MESP1: variants seen among roughly 807,000 people sequenced by gnomAD.
The protein encoded by MESP1 is mesoderm posterior protein 1.
A neutral mutation model predicts 15.2 loss-of-function variants in MESP1; 22 were observed. That is an observed-to-expected ratio of 1.45 (90% CI 1.04 to 2.07). MESP1 has a LOEUF of 2.07. MESP1 is among the 30% of genes most tolerant of loss of function. The pLI is 0.00. For synonymous variants in MESP1, 216 were observed against 192.6 expected (o/e 1.12, Z -1.01); for missense variants, 484 against 411.9 (o/e 1.17, Z -1.51).
At chr15:89,748,585 G>A (rs1160724451), downstream of MESP1, 6 of 152,360 alleles carry the variant, frequency 3.9e-5, no homozygotes, top group South Asian at 8.3e-4. Flanking sequence ...AAAAAGAAAC[G>A]AAGTTCTGAC....
At chr15:89,747,976 C>A (rs1968004182), downstream of MESP1, among the ~76,000 whole-genome samples, 1 of 152,156 alleles carries the variant, frequency 6.6e-6, no homozygotes, top group Non-Finnish European at 1.5e-5. Flanking sequence ...ATGTCCCCTG[C>A]CTATCTCCAG....
chr15:89,743,401 C>A, the MESP1 span: 3 of 1,613,752 alleles, frequency 1.9e-6, no homozygotes, highest in African/African-American at 4.0e-5. Context: ...AGGCTGCCAC[C>A]GCCCTGGGAT....
the MESP1 span, among the ~76,000 whole-genome samples, chr15:89,741,320 T>A: frequency 2.0e-5 from 3 of 152,080 alleles, no homozygotes; most frequent in African/African-American, 7.2e-5. Flanking sequence ...AGCCTTGACT[T>A]CCCGGGCTCA....
At chr15:89,743,355 C>T in the MESP1 span, 1 of 1,614,174 alleles carries the variant, frequency 6.2e-7, no homozygotes, top group South Asian at 1.1e-5. Flanking sequence ...TTCAGAGGTA[C>T]TCCTTGTCGC....
Position 89,751,095 on chromosome 15 carries a change from G to T in MESP1, c.137C>A (p.Thr46Asn). The change falls in exon 1 of 2, where the codon ACC (threonine) becomes AAC (asparagine). Residue 46 changes from threonine (T) to asparagine (N), a missense_variant. Transcript: ENST00000300057. ...LVSSPDSWGS[T>N]PADSPVASPA... ...GCTCGCCACGGGGCTGTCGGCTGGGGTGCTGCCCCATGAGTCTGGGGACGA... is the reference window on the plus strand; with the variant it reads ...GCTCGCCACGGGGCTGTCGGCTGGGTTGCTGCCCCATGAGTCTGGGGACGA... The T allele has an allele frequency of 3.3e-6, 4 of 1,213,440 alleles. No individual in the cohort carries two copies. The highest frequency in any genetic ancestry group is 4.2e-6 in the Non-Finnish European group (4 of 956,980). The allele number at this position is 1,213,440 out of a possible 1,614,324, so 75.2% of individuals were successfully genotyped here.
downstream of MESP1, chr15:89,749,018 G>C (rs557685682): frequency 2.0e-5 from 3 of 152,302 alleles, no homozygotes; most frequent in Admixed American, 2.0e-4. Flanking sequence ...TGGCAGAGAG[G>C]CTACACATCC....
chr15:89,738,278 T>C, the MESP1 span: 1 of 1,527,268 alleles, frequency 6.5e-7, no homozygotes, highest in South Asian at 1.3e-5. Flanking sequence ...CATCTGAGGT[T>C]GTCTCTGGAT....
At chr15:89,745,239 G>A (rs1967909137), downstream of MESP1, among the ~76,000 whole-genome samples, 1 of 152,176 alleles carries the variant, frequency 6.6e-6, no homozygotes, top group Non-Finnish European at 1.5e-5. This position sits in a 1 kb window ranked among gnomAD's most constrained non-coding sequence, Gnocchi z 4.8. Context: ...GAGCGGGTGG[G>A]GAGAGGGGAT....
chr15:89,748,902 A>T (rs1968025965), downstream of MESP1: 1 of 152,204 alleles, frequency 6.6e-6, no homozygotes, highest in Admixed American at 6.5e-5. Flanking sequence ...TGTGAATTGT[A>T]TCCTAATAAA....
the MESP1 span, among the ~76,000 whole-genome samples, chr15:89,740,506 TG>T: frequency 1.3e-5 from 2 of 151,536 alleles, no homozygotes; most frequent in African/African-American, 4.9e-5. Flanking sequence ...TTTTTGTTTT[TG>T]TTTTTGTTTT....
chr15:89,734,847 A>T, the MESP1 span, among the ~76,000 whole-genome samples: 2 of 152,100 alleles, frequency 1.3e-5, no homozygotes, highest in Non-Finnish European at 2.9e-5. Context: ...TATTAAAAAA[A>T]GAAAAAGAAT....
chr15:89,742,041 A>G, the MESP1 span, among the ~76,000 whole-genome samples: 2 of 152,028 alleles, frequency 1.3e-5, no homozygotes, highest in Non-Finnish European at 2.9e-5. Flanking sequence ...ATGAGCCATC[A>G]CACCCGGCCT....
chr15:89,738,836 C>T, the MESP1 span, among the ~76,000 whole-genome samples: 1 of 150,708 alleles, frequency 6.6e-6, no homozygotes, highest in Admixed American at 6.6e-5. Context: ...ATGTTTAGGC[C>T]AGGCCCGGTG....
chr15:89,743,464 C>G, the MESP1 span: 1 of 1,446,426 alleles, frequency 6.9e-7, no homozygotes, highest in African/African-American at 1.4e-5. Context: ...ACACTGAGGC[C>G]AAGAGAAATG....
the MESP1 span, among the ~76,000 whole-genome samples, chr15:89,740,793 C>T: frequency 1.3e-5 from 2 of 152,122 alleles, no homozygotes; most frequent in African/African-American, 2.4e-5. Context: ...TGAGCCACCA[C>T]GCCTGGCCTG....
chr15:89,736,027 G>A, the MESP1 span, among the ~76,000 whole-genome samples: 8 of 152,284 alleles, frequency 5.3e-5, no homozygotes, highest in Admixed American at 2.0e-4. Context: ...AGGCTGGGGC[G>A]GGAAGACAGG....
At chr15:89,737,798 G>T in the MESP1 span, 2 of 1,591,274 alleles carry the variant, frequency 1.3e-6, no homozygotes, top group Middle Eastern at 1.7e-4. Flanking sequence ...CAAACAGAGA[G>T]AGCCCCTCCG....
downstream of MESP1, among the ~76,000 whole-genome samples, chr15:89,748,291 AG>A (rs1968012399): frequency 6.6e-6 from 1 of 152,168 alleles, no homozygotes; most frequent in Admixed American, 6.5e-5. Flanking sequence ...GGAGCAGGAA[AG>A]GGGGTGACCC....
At chr15:89,748,441 G>A (rs575902989), downstream of MESP1, among the ~76,000 whole-genome samples, 5 of 152,316 alleles carry the variant, frequency 3.3e-5, no homozygotes, top group South Asian at 2.1e-4. Flanking sequence ...CTGCATTACC[G>A]CCCCTCCTGG....
Sources: gnomAD v4.1 joint callset for allele counts (sites outside exome capture counted in the v4.1 genomes callset) on GRCh38, gnomAD v4.1.1 for gene constraint, Gnocchi (gnomAD v3.1) non-coding constraint, MANE v1.5 for transcripts, NCBI Gene and HGNC (gene_info 2026-07-23, HGNC 2026-07-21) for gene names.